CMSS1: variants seen among roughly 807,000 people sequenced by gnomAD.
CMSS1 encodes the protein protein CMSS1.
Under a neutral mutation model 43.5 loss-of-function variants are expected in CMSS1, and 33 were observed. The ratio of observed to expected loss-of-function variants is 0.76; its 90% CI spans 0.57 to 1.01. The LOEUF is 1.01. Ranked by LOEUF, CMSS1 falls within the 50% of genes least tolerant of loss-of-function variation. The pLI, the probability that CMSS1 is intolerant of heterozygous loss-of-function variation, is 0.00. For synonymous variants in CMSS1, 115 were observed against 117.2 expected (o/e 0.98, Z 0.12); for missense variants, 313 against 326.4 (o/e 0.96, Z 0.32).
intron 1 of CMSS1, chr3:99,850,035 G>C (rs577284397): frequency 1.2e-6 from 2 of 1,609,748 alleles, no homozygotes; most frequent in African/African-American, 1.3e-5. Context: ...TTTTGGACTT[G>C]AGCGCCCTTT....
chr3:99,894,341 G>C (rs1475317647), intron 1 of CMSS1, among the ~76,000 whole-genome samples: 1 of 152,132 alleles, frequency 6.6e-6, no homozygotes, highest in East Asian at 1.9e-4. Flanking sequence ...ATCTGTTGTG[G>C]GTGCCTAACA....
At chr3:99,892,780 G>A (rs929843955) in intron 1 of CMSS1, among the ~76,000 whole-genome samples, 1 of 152,196 alleles carries the variant, frequency 6.6e-6, no homozygotes, top group African/African-American at 2.4e-5. Flanking sequence ...CTGCCAAAGG[G>A]AAAGAGAATG....
intron 1 of CMSS1, among the ~76,000 whole-genome samples, chr3:99,936,674 G>A (rs944529542): frequency 1.7e-4 from 26 of 150,008 alleles, no homozygotes; most frequent in African/African-American, 5.9e-4. Flanking sequence ...CGCCCAGCCC[G>A]CTTGAAGCCT....
intron 1 of CMSS1, among the ~76,000 whole-genome samples, chr3:100,010,780 T>TA (rs1406166692): frequency 2.1e-5 from 3 of 141,416 alleles, no homozygotes. Flanking sequence ...ACGCCCGGAT[T>TA]TTTTTTTTTT....
intron 1 of CMSS1, among the ~76,000 whole-genome samples, chr3:100,017,059 T>C (rs1710365702): frequency 6.6e-6 from 1 of 152,260 alleles, no homozygotes; most frequent in East Asian, 1.9e-4. Flanking sequence ...CACATGTGTG[T>C]ATAATTCTTC....
At chr3:99,975,662 A>C (rs950201046) in intron 1 of CMSS1, among the ~76,000 whole-genome samples, 1 of 152,208 alleles carries the variant, frequency 6.6e-6, no homozygotes, top group Non-Finnish European at 1.5e-5. Context: ...AACAGAACTG[A>C]GAAACACAGA....
At chr3:99,962,014 G>T (rs1184321712) in intron 1 of CMSS1, among the ~76,000 whole-genome samples, 1 of 152,146 alleles carries the variant, frequency 6.6e-6, no homozygotes, top group Non-Finnish European at 1.5e-5. Context: ...TTGCTGATTG[G>T]GGGTTAGGGA....
chr3:100,107,009 C>G (rs532120009), intron 1 of CMSS1, among the ~76,000 whole-genome samples: 1 of 152,246 alleles, frequency 6.6e-6, no homozygotes, highest in South Asian at 2.1e-4. Context: ...ACCTAACTCT[C>G]AAAGAATAAA....
chr3:99,980,457 G>C (rs1220482910), intron 1 of CMSS1, among the ~76,000 whole-genome samples: 1 of 152,138 alleles, frequency 6.6e-6, no homozygotes, highest in Non-Finnish European at 1.5e-5. Flanking sequence ...CTCATAACCA[G>C]CACATTTTTA....
At chr3:99,965,030 T>C (rs577438330) in intron 1 of CMSS1, among the ~76,000 whole-genome samples, 1 of 152,330 alleles carries the variant, frequency 6.6e-6, no homozygotes, top group South Asian at 2.1e-4. Flanking sequence ...GCTGTATCTG[T>C]AAATAAATTA....
At chr3:99,868,026 T>C (rs1035372306) in intron 1 of CMSS1, among the ~76,000 whole-genome samples, 1 of 152,222 alleles carries the variant, frequency 6.6e-6, no homozygotes, top group African/African-American at 2.4e-5. Context: ...TAGGATCTGA[T>C]ATAAGCCATT....
At chr3:99,832,701 C>T (rs1184972259) in intron 1 of CMSS1, among the ~76,000 whole-genome samples, 2 of 131,782 alleles carry the variant, frequency 1.5e-5, no homozygotes, top group South Asian at 2.6e-4. Context: ...AACAGCCGGG[C>T]GTCGTGGCGC....
chr3:100,044,414 A>C (rs1215039870), intron 1 of CMSS1, among the ~76,000 whole-genome samples: 2 of 152,244 alleles, frequency 1.3e-5, no homozygotes, highest in Non-Finnish European at 2.9e-5. Flanking sequence ...TTTTTGAAAC[A>C]ATAGGTAAGC....
At chr3:99,946,546 G>A (rs1708013732) in intron 1 of CMSS1, among the ~76,000 whole-genome samples, 2 of 152,188 alleles carry the variant, frequency 1.3e-5, no homozygotes. Flanking sequence ...TAAAGAATGG[G>A]CTGAAGGCAT....
chr3:99,945,264 G>A (rs1039984838), intron 1 of CMSS1, among the ~76,000 whole-genome samples: 1 of 152,116 alleles, frequency 6.6e-6, no homozygotes, highest in Non-Finnish European at 1.5e-5. Context: ...CCCACTCATC[G>A]CTACGAAGGA....
chr3:99,860,419 GAAATCCTC>G lies in CMSS1; in HGVS notation c.64+42381_64+42388del, dbSNP rs1944186126. On this transcript the variant is annotated intron_variant, in intron 1 of 9. Coordinates refer to ENST00000421999, the MANE Select transcript of CMSS1 (RefSeq NM_032359.4). ...AATCAGGATTCTAAAAAGCGGTACTGAAATCCTCAAATTGAGCACAAGGACTGGAATTG... is the reference window on the plus strand; with the variant it reads ...AATCAGGATTCTAAAAAGCGGTACTGAAATTGAGCACAAGGACTGGAATTG... Among the ~76,000 whole-genome samples the G allele has an allele frequency of 2.0e-5, 3 of 152,216 alleles. No individual in the cohort carries two copies. The South Asian group carries it at 6.2e-4, about 32-fold the overall frequency.
At chr3:99,848,453 C>T (rs1399994844) in intron 1 of CMSS1, 1 of 1,614,164 alleles carries the variant, frequency 6.2e-7, no homozygotes. Flanking sequence ...ACAGGGCTGG[C>T]TACAGCTTGC....
chr3:100,092,088 T>C (rs780191055), intron 1 of CMSS1, among the ~76,000 whole-genome samples: 1 of 152,234 alleles, frequency 6.6e-6, no homozygotes, highest in Non-Finnish European at 1.5e-5. Context: ...CAGTGGTCCT[T>C]AAAAATGTAC....
chr3:99,992,664 TTTAA>T (rs1202943737), intron 1 of CMSS1, among the ~76,000 whole-genome samples: 1 of 152,134 alleles, frequency 6.6e-6, no homozygotes, highest in African/African-American at 2.4e-5. Context: ...AGCTTTTTAG[TTTAA>T]TTAAGTCCAA....
Sources: allele counts gnomAD v4.1 joint callset (sites outside exome capture counted in the v4.1 genomes callset), GRCh38; gene constraint gnomAD v4.1.1; transcripts MANE v1.5; gene names NCBI Gene and HGNC (gene_info 2026-07-23, HGNC 2026-07-21).